The following PFKFB4 variants were observed in gnomAD, a reference collection of about 807,000 sequenced individuals.
The protein encoded by PFKFB4 is 6-phosphofructo-2-kinase/fructose-2,6-biphosphatase 4, also known as 6-phosphofructo-2-kinase/fructose-2,6-bisphosphatase 4.
PFKFB4 carries 42 observed loss-of-function variants against 62.8 expected under a neutral mutation model. That is an observed-to-expected ratio of 0.67 (90% CI 0.52 to 0.86). PFKFB4 has a LOEUF of 0.86. PFKFB4 is among the 40% of genes least tolerant of loss of function. The pLI, the probability that PFKFB4 is intolerant of heterozygous loss-of-function variation, is 0.00. For missense variants in PFKFB4, 475 were observed against 627.2 expected, an observed-to-expected ratio of 0.76 and a Z score of 2.59; for synonymous variants, 204 against 240.7, an observed-to-expected ratio of 0.85 and a Z score of 1.41.
At position 48,534,181 on chromosome 3, in the gene PFKFB4, A is replaced by G. The variant is rs1185543794; in HGVS notation, c.987+1331T>C. Among the ~76,000 whole-genome samples the G allele has an allele frequency of 2.0e-5, 3 of 150,836 alleles. No individual in the cohort carries two copies. The East Asian group carries it at 5.8e-4, about 29-fold the overall frequency. Reference sequence around the variant, plus strand: ...ACTATCTAAATTAAAGCTCGGAAGGAAAAAAAGACAGAGAAGAAATGAACA... The same window carrying G: ...ACTATCTAAATTAAAGCTCGGAAGGGAAAAAAGACAGAGAAGAAATGAACA... On this transcript the variant is annotated intron_variant, in intron 9 of 13. Transcript: ENST00000232375.
chr3:48,523,449 T>C, intron 12 of PFKFB4, 88 bp downstream of exon 12: 1 of 1,328,426 alleles, frequency 7.5e-7, no homozygotes, highest in South Asian at 1.2e-5. Flanking sequence ...CCTAACACAA[T>C]TTTCAAGGAA....
At chr3:48,538,957 G>A (rs1207209924) in intron 6 of PFKFB4, among the ~76,000 whole-genome samples, 3 of 152,146 alleles carry the variant, frequency 2.0e-5, no homozygotes, top group Admixed American at 6.6e-5. Flanking sequence ...AGGAAAGAAT[G>A]AGTCTTTCTT....
chr3:48,539,855 C>T, intron 4 of PFKFB4, 84 bp from the exon 5 acceptor site: 4 of 1,053,154 alleles, frequency 3.8e-6, no homozygotes, highest in South Asian at 2.5e-5. Flanking sequence ...CAGTGAGGGC[C>T]GCAGCACAGG....
In PFKFB4 at chr3:48,556,377, T is replaced by G; in HGVS notation, c.97+304A>C. ...CTCCCCAGACTGGGGGCGATGGGGA[T>G]TGGAGAGGGAAGCGAGGGGGCCAGA... On this transcript the variant is annotated intron_variant, in intron 1 of 13. Transcript: ENST00000232375. This position sits in a 1 kb window ranked among gnomAD's most constrained non-coding sequence, Gnocchi z 5.7. The G allele has an allele frequency of 1.8e-6, 1 of 545,746 alleles. No homozygotes were observed. Among genetic ancestry groups the G allele is most frequent in the Non-Finnish European group, 3.4e-6 (1 of 298,284 alleles). 33.8% of individuals were successfully genotyped at this position (545,746 alleles called of 1,614,324 possible).
At chr3:48,559,008 C>A (rs558969615), upstream of PFKFB4, among the ~76,000 whole-genome samples, 1 of 152,226 alleles carries the variant, frequency 6.6e-6, no homozygotes, top group South Asian at 2.1e-4. Flanking sequence ...TATCTACAGA[C>A]ACCCAGCACC....
intron 4 of PFKFB4, among the ~76,000 whole-genome samples, chr3:48,540,621 T>A (rs949218735): frequency 2.6e-4 from 40 of 151,998 alleles, no homozygotes; most frequent in African/African-American, 6.3e-4. Flanking sequence ...TTAAAAAAAA[T>A]TTTTTTGAGA....
intron 3 of PFKFB4, among the ~76,000 whole-genome samples, chr3:48,546,121 G>A (rs772491810): frequency 1.3e-5 from 2 of 152,134 alleles, no homozygotes; most frequent in Non-Finnish European, 2.9e-5. Flanking sequence ...GCCCAAGTGT[G>A]TACATGTAAA....
At chr3:48,548,192 T>C (rs1008742398) in intron 3 of PFKFB4, 5 of 152,164 alleles carry the variant, frequency 3.3e-5, no homozygotes, top group African/African-American at 1.2e-4. Flanking sequence ...ACAAACACTA[T>C]GGATTCAGGC....
Position 48,535,504 on chromosome 3 carries a change from G to C in PFKFB4, c.987+8C>G, listed in dbSNP as rs2042571158. On this transcript the variant is annotated splice_region_variant and intron_variant, in intron 9 of 13. Coordinates refer to ENST00000232375, the MANE Select transcript of PFKFB4 (RefSeq NM_004567.4). ...GGAGGTAGACAGGGAGGGAGGGACG[G>C]TAACTACCGCATCGATCTCGTTGAG... The C allele has an allele frequency of 2.5e-6, 4 of 1,610,582 alleles. No individual in the cohort carries two copies. The highest frequency in any genetic ancestry group is 3.4e-6 in the Non-Finnish European group (4 of 1,177,302).
rs987346644 is a variant in PFKFB4, at chr3:48,539,062, G to A, written c.510+192C>T. On this transcript the variant is annotated intron_variant, in intron 6 of 13. Transcript: ENST00000232375. Reference sequence around the variant, plus strand: ...GGTGGTTACGAGGCGGAGGTGGGGTGAGTGAATGTCCACCAGCCACCCAGC... The same window carrying A: ...GGTGGTTACGAGGCGGAGGTGGGGTAAGTGAATGTCCACCAGCCACCCAGC... Among the ~76,000 whole-genome samples the A allele has an allele frequency of 2.6e-5, 4 of 152,118 alleles. No individual in the cohort carries two copies. The East Asian group carries it at 7.7e-4, about 29-fold the overall frequency.
At chr3:48,550,863 C>T (rs2043120899) in intron 1 of PFKFB4, among the ~76,000 whole-genome samples, 1 of 152,256 alleles carries the variant, frequency 6.6e-6, no homozygotes, top group Non-Finnish European at 1.5e-5. Flanking sequence ...TGATCACTTA[C>T]AGCAGAAGAA....
At chr3:48,523,944 T>G (rs1575354102) in intron 10 of PFKFB4, 114 bp from the exon 11 acceptor site, 2 of 1,230,580 alleles carry the variant, frequency 1.6e-6, no homozygotes, top group Non-Finnish European at 2.3e-6. Context: ...TCTGGGAAGC[T>G]GTGGCTGGGC....
intron 2 of PFKFB4, 35 bp downstream of exon 2, chr3:48,550,083 A>G: frequency 6.6e-7 from 1 of 1,514,098 alleles, no homozygotes; most frequent in South Asian, 1.1e-5. Flanking sequence ...CATGCCCCAC[A>G]AAGCTCCCCT....
At chr3:48,541,375 C>T (rs1045260277) in intron 4 of PFKFB4, among the ~76,000 whole-genome samples, 7 of 150,168 alleles carry the variant, frequency 4.7e-5, no homozygotes, top group Non-Finnish European at 7.4e-5. Context: ...GTGATCCACC[C>T]GCCTCAGCCT....
chr3:48,538,610 GTT>G lies in PFKFB4; in HGVS notation c.518_519del (p.Lys173ThrfsTer5). ...EVIAANIVQV[K>X]LGSPDYVNRD... ...CGGTTGACATAGTCAGGGCTGCCCA[GTT>G]TCACTTGCTGCCGGAGCCAGGCACA... is the stretch of plus-strand genomic sequence containing the variant. On this transcript the variant is annotated frameshift_variant, in exon 7 of 14. Coordinates refer to ENST00000232375, the MANE Select transcript of PFKFB4 (RefSeq NM_004567.4). LOFTEE classifies it high-confidence loss of function. 6.2e-7 allele frequency: 1 copy of G among 1,614,206 alleles called. No homozygotes were observed. The highest frequency in any genetic ancestry group is 8.5e-7 in the Non-Finnish European group (1 of 1,180,028).
In PFKFB4 at chr3:48,538,625, G is replaced by A. The variant is rs577198122; in HGVS notation, c.511-6C>T. 23 of 1,614,088 alleles carry A rather than the reference G, an allele frequency of 1.4e-5. No homozygotes were observed. The highest frequency in any genetic ancestry group is 6.7e-5 in the African/African-American group (5 of 75,024). The stretch of plus-strand genomic sequence containing the variant: ...GGGCTGCCCAGTTTCACTTGCTGCC[G>A]GAGCCAGGCACAGAGAAAGGACATA... On this transcript the variant is annotated splice_region_variant and splice_polypyrimidine_tract_variant and intron_variant, in intron 6 of 13. Transcript: ENST00000232375.
In PFKFB4 at chr3:48,522,026, A is replaced by G. The variant is rs1169330505; in HGVS notation, c.1310T>C (p.Leu437Pro). 1.9e-6 allele frequency: 3 copies of G among 1,614,084 alleles called. No individual in the cohort carries two copies. Among genetic ancestry groups the G allele is most frequent in the Non-Finnish European group, 2.5e-6 (3 of 1,180,030 alleles). The change falls in exon 13 of 14, where the codon CTG (leucine) becomes CCG (proline). Residue 437 changes from leucine to proline, a missense_variant. Leu to Pro is a moderately conservative substitution (Grantham distance 98, BLOSUM62 -3). Transcript: ENST00000232375. ...GTGCGTGTTCACAGCAGCCACGTTC[A>G]GGAATATGGACTCCACTTTACAACC... ...AYGCKVESIF[L>P]NVAAVNTHRD...
rs751466989 is a variant in PFKFB4, at chr3:48,556,754, T to C, written c.24A>G (p.Thr8=). The C allele has an allele frequency of 1.9e-6, 3 of 1,603,714 alleles. No individual in the cohort carries two copies. Among genetic ancestry groups the C allele is most frequent in the Non-Finnish European group, 1.7e-6 (2 of 1,175,278 alleles). Residue 8 remains threonine, a synonymous_variant, in exon 1 of 14, where the codon ACA becomes ACG. Coordinates refer to ENST00000232375, the MANE Select transcript of PFKFB4 (RefSeq NM_004567.4). This position sits in a 1 kb window ranked among gnomAD's most constrained non-coding sequence, Gnocchi z 5.7. ...TCCAGATCTTCTTCAGGGGGTTCTG[T>C]GTCAATTCCCGTGGGGACGCCATCC... MASPREL[T]QNPLKKIWMP... is the part of the protein sequence containing the mutation.
At position 48,556,803 on chromosome 3, in the gene PFKFB4, C is replaced by T. The variant is rs769898751; in HGVS notation, c.-26G>A. ...CCCGGGGCCGGGATGAGTCGGACTG[C>T]GCCGCTTCCAACCCAGCAGCCGGGC... On this transcript the variant is annotated 5_prime_UTR_variant, in exon 1 of 14. Coordinates refer to ENST00000232375, the MANE Select transcript of PFKFB4 (RefSeq NM_004567.4). The surrounding 1 kb of genome is among the most constrained non-coding windows in gnomAD (Gnocchi z 5.7). The T allele has an allele frequency of 2.5e-6, 4 of 1,588,424 alleles. No individual in the cohort carries two copies. The highest frequency in any genetic ancestry group is 3.4e-6 in the Non-Finnish European group (4 of 1,168,804).
Sources: allele counts gnomAD v4.1 joint callset (sites outside exome capture counted in the v4.1 genomes callset), GRCh38; gene constraint gnomAD v4.1.1; non-coding constraint Gnocchi (gnomAD v3.1); transcripts MANE v1.5; gene names NCBI Gene and HGNC (gene_info 2026-07-23, HGNC 2026-07-21).